Variants in NEGR1 observed in about 807,000 individuals in gnomAD.
NEGR1 encodes neuronal growth regulator 1, also known as IgLON family member 4.
NEGR1 carries 10 observed loss-of-function variants against 40.9 expected under a neutral mutation model. That is an observed-to-expected ratio of 0.24 (90% CI 0.15 to 0.42). The LOEUF is 0.42. NEGR1 is among the 10% of genes least tolerant of loss of function. The pLI, the probability that NEGR1 is intolerant of heterozygous loss-of-function variation, is 1.00. For missense variants in NEGR1, 352 were observed against 438.9 expected (o/e 0.80, Z 1.77); for synonymous variants, 185 against 166.8 (o/e 1.11, Z -0.84).
intron 4 of NEGR1, among the ~76,000 whole-genome samples, chr1:71,645,577 G>T (rs1324501469): frequency 6.6e-6 from 1 of 151,814 alleles, no homozygotes; most frequent in African/African-American, 2.4e-5. Context: ...ACGAATAAGT[G>T]AAATAAGTCA....
chr1:71,903,312 T>C (rs1454293116), intron 2 of NEGR1, among the ~76,000 whole-genome samples: 1 of 152,044 alleles, frequency 6.6e-6, no homozygotes, highest in Non-Finnish European at 1.5e-5. Context: ...ATAAATTTTA[T>C]GTTTATGCAA....
intron 4 of NEGR1, among the ~76,000 whole-genome samples, chr1:71,663,588 T>G (rs1652142634): frequency 6.6e-6 from 1 of 152,222 alleles, no homozygotes; most frequent in South Asian, 2.1e-4. Context: ...TTTCTTTTGC[T>G]TTTGTCAGTT....
At chr1:71,898,387 G>A (rs528753847) in intron 2 of NEGR1, among the ~76,000 whole-genome samples, 2 of 152,096 alleles carry the variant, frequency 1.3e-5, no homozygotes, top group African/African-American at 4.8e-5. Context: ...AGGCTGAGGC[G>A]GGCAGATCAC....
chr1:72,055,758 T>A (rs1647103989), intron 1 of NEGR1, among the ~76,000 whole-genome samples: 1 of 148,064 alleles, frequency 6.8e-6, no homozygotes, highest in Admixed American at 6.8e-5. Context: ...AAAATAACAG[T>A]CATACTATAC....
rs796528707 is a variant in NEGR1 at position 72,231,747 on chromosome 1, T to C, written c.176+50572A>G. Among the ~76,000 whole-genome samples the C allele has an allele frequency of 2.0e-5, 3 of 152,182 alleles. No individual in the cohort carries two copies. In the South Asian group the frequency reaches 6.2e-4, roughly 31 times the overall value. ...GAGCCATGTTACATTATCACATGAT[T>C]TTCCGAGTGTAGATGGTGCTTACAT... On this transcript the variant is annotated intron_variant, in intron 1 of 6. Coordinates refer to ENST00000357731, the MANE Select transcript of NEGR1 (RefSeq NM_173808.3).
At chr1:72,106,962 T>C (rs1649158289) in intron 1 of NEGR1, among the ~76,000 whole-genome samples, 1 of 151,770 alleles carries the variant, frequency 6.6e-6, no homozygotes, top group Non-Finnish European at 1.5e-5. Flanking sequence ...TCCAAGAAAA[T>C]TTAGAATTGT....
intron 6 of NEGR1, among the ~76,000 whole-genome samples, chr1:71,534,977 A>C (rs969582598): frequency 2.0e-5 from 3 of 151,752 alleles, no homozygotes; most frequent in Non-Finnish European, 1.5e-5. Context: ...TAGTCTCTTA[A>C]AATTTTTTTG....
intron 3 of NEGR1, among the ~76,000 whole-genome samples, chr1:71,769,929 G>A (rs556513457): frequency 5.4e-4 from 82 of 152,174 alleles, no homozygotes; most frequent in African/African-American, 1.9e-3. Context: ...AATTGTTACT[G>A]CCATTTTGTA....
At chr1:71,466,197 G>A (rs1006347201) in intron 6 of NEGR1, among the ~76,000 whole-genome samples, 3 of 152,088 alleles carry the variant, frequency 2.0e-5, no homozygotes, top group African/African-American at 7.2e-5. Context: ...CACACATTAT[G>A]TAGGCACTAA....
At position 71,935,108 on chromosome 1, in the gene NEGR1, C is replaced by G; in HGVS notation, c.380G>C (p.Arg127Thr). Residue 127 changes from arginine to threonine, a missense_variant, in exon 2 of 7, where the codon AGA becomes ACA. Physicochemically the swap from Arg to Thr is moderately conservative, Grantham distance 71 (BLOSUM62 -1). Coordinates refer to ENST00000357731, the MANE Select transcript of NEGR1 (RefSeq NM_173808.3). Reference sequence around the variant, plus strand: ...CACAGTTAGATGCACCTGCATTGTTCTGGGTGTATGTTGAGTCTGAACAGA... The same window carrying G: ...CACAGTTAGATGCACCTGCATTGTTGTGGGTGTATGTTGAGTCTGAACAGA... ...TCSVQTQHTP[R>T]TMQVHLTVQV... is the part of the protein sequence containing the mutation. The G allele has an allele frequency of 6.2e-7, 1 of 1,611,912 alleles. No individual in the cohort carries two copies. Among genetic ancestry groups the G allele is most frequent in the Non-Finnish European group, 8.5e-7 (1 of 1,178,070 alleles).
intron 2 of NEGR1, among the ~76,000 whole-genome samples, chr1:71,920,771 G>C (rs745581589): frequency 1.3e-5 from 2 of 152,138 alleles, no homozygotes; most frequent in African/African-American, 4.8e-5. Flanking sequence ...TTCTCCACCC[G>C]GCACAGGTGC....
intron 2 of NEGR1, among the ~76,000 whole-genome samples, chr1:71,809,144 C>T (rs1414945616): frequency 1.3e-5 from 2 of 152,130 alleles, no homozygotes; most frequent in African/African-American, 2.4e-5. Context: ...AAATGGCTAT[C>T]CCTCCATTCA....
At chr1:71,443,871 A>AT (rs1489140788) in intron 6 of NEGR1, among the ~76,000 whole-genome samples, 3 of 152,190 alleles carry the variant, frequency 2.0e-5, no homozygotes, top group Admixed American at 6.5e-5. Context: ...GATTTTCTAG[A>AT]TTTTTCATTA....
chr1:72,176,664 G>GAAAC (rs896654628), intron 1 of NEGR1, among the ~76,000 whole-genome samples: 38 of 151,944 alleles, frequency 2.5e-4, no homozygotes, highest in African/African-American at 6.5e-4. Context: ...TGTATGAGGG[G>GAAAC]AAACAAACAA....
intron 6 of NEGR1, among the ~76,000 whole-genome samples, chr1:71,554,660 C>T (rs1201360545): frequency 6.6e-6 from 1 of 151,552 alleles, no homozygotes; most frequent in Non-Finnish European, 1.5e-5. Flanking sequence ...ACAGAACCTA[C>T]TCTCCTCTTT....
intron 1 of NEGR1, among the ~76,000 whole-genome samples, chr1:71,967,930 GC>G (rs1646223827): frequency 6.6e-6 from 1 of 152,146 alleles, no homozygotes; most frequent in South Asian, 2.1e-4. Flanking sequence ...AGATTCTGGT[GC>G]TGAGGTGGGA....
At chr1:72,179,916 C>A (rs1652303419) in intron 1 of NEGR1, among the ~76,000 whole-genome samples, 1 of 151,782 alleles carries the variant, frequency 6.6e-6, no homozygotes, top group African/African-American at 2.4e-5. Flanking sequence ...TATCCCTTGC[C>A]AATGTATCAA....
At chr1:72,182,132 A>G (rs1294272197) in intron 1 of NEGR1, among the ~76,000 whole-genome samples, 1 of 152,196 alleles carries the variant, frequency 6.6e-6, no homozygotes, top group Admixed American at 6.5e-5. Flanking sequence ...TAGTAAGCTT[A>G]TTACTATCTA....
intron 2 of NEGR1, among the ~76,000 whole-genome samples, chr1:71,875,110 G>A (rs1022217813): frequency 6.6e-6 from 1 of 152,072 alleles, no homozygotes; most frequent in African/African-American, 2.4e-5. Flanking sequence ...GCCTTTCAAA[G>A]TGCTGGGGTT....
Sources: allele counts gnomAD v4.1 joint callset (sites outside exome capture counted in the v4.1 genomes callset), GRCh38; gene constraint gnomAD v4.1.1; transcripts MANE v1.5; gene names NCBI Gene and HGNC (gene_info 2026-07-23, HGNC 2026-07-21).